Variants in TBC1D1 observed in about 807,000 individuals in gnomAD.
TBC1D1 encodes TBC1 domain family member 1.
TBC1D1 carries 89 observed loss-of-function variants against 125.6 expected under a neutral mutation model. That is an observed-to-expected ratio of 0.71 (90% CI 0.60 to 0.85). The LOEUF (loss-of-function observed/expected upper bound fraction) is 0.85. TBC1D1 is among the 40% of genes least tolerant of loss of function. The pLI is 0.00. For synonymous variants in TBC1D1, 565 were observed against 564.1 expected (o/e 1.00, Z -0.02); for missense variants, 1,377 against 1,469.2 (o/e 0.94, Z 1.03).
At chr4:38,122,715 T>C (rs548128842) in intron 17 of TBC1D1, among the ~76,000 whole-genome samples, 2 of 152,350 alleles carry the variant, frequency 1.3e-5, no homozygotes, top group Non-Finnish European at 2.9e-5. Flanking sequence ...AGATGCTCAA[T>C]AGATGCTCAT....
chr4:37,966,063 G>A (rs1040890243), intron 2 of TBC1D1, among the ~76,000 whole-genome samples: 1 of 151,976 alleles, frequency 6.6e-6, no homozygotes, highest in African/African-American at 2.4e-5. Context: ...ATTTAATTTA[G>A]CGTATATTTC....
intron 11 of TBC1D1, among the ~76,000 whole-genome samples, chr4:38,052,727 C>T (rs559065041): frequency 9.5e-4 from 63 of 66,134 alleles, no homozygotes; most frequent in African/African-American, 3.8e-3. Flanking sequence ...CGCGCGCGCG[C>T]GCACACACAC....
chr4:38,097,706 G>A (rs1251503334), intron 14 of TBC1D1, among the ~76,000 whole-genome samples: 1 of 151,466 alleles, frequency 6.6e-6, no homozygotes, highest in Non-Finnish European at 1.5e-5. Context: ...TTGAACTCTG[G>A]ACCTCAGGTG....
chr4:38,105,548 G>A (rs1043576761), intron 15 of TBC1D1, among the ~76,000 whole-genome samples: 3 of 152,212 alleles, frequency 2.0e-5, no homozygotes, highest in Non-Finnish European at 4.4e-5. Context: ...CAGGAACCAA[G>A]CATGGTACCC....
intron 2 of TBC1D1, among the ~76,000 whole-genome samples, chr4:37,979,735 TG>T (rs1420169090): frequency 6.6e-6 from 1 of 152,160 alleles, no homozygotes; most frequent in African/African-American, 2.4e-5. Flanking sequence ...GGAGAAGGGG[TG>T]GGTGTCGGTT....
At chr4:37,967,910 G>A (rs1731355264) in intron 2 of TBC1D1, among the ~76,000 whole-genome samples, 1 of 152,168 alleles carries the variant, frequency 6.6e-6, no homozygotes, top group Non-Finnish European at 1.5e-5. Flanking sequence ...GCTCAGGACT[G>A]CTGGGTTTTT....
rs148981762 is a variant in TBC1D1 at position 37,903,875 on chromosome 4, G to T, written c.417+1363G>T. Among the ~76,000 whole-genome samples, 511 of 152,280 alleles carry T rather than the reference G, an allele frequency of 3.4e-3. 5 individuals carry two copies. Among genetic ancestry groups the T allele is most frequent in the African/African-American group, 0.012 (484 of 41,558 alleles). On this transcript the variant is annotated intron_variant, in intron 2 of 19. Coordinates refer to ENST00000261439, the MANE Select transcript of TBC1D1 (RefSeq NM_015173.4). ...AACACACACCCAAAGGGTAGAGAAGGCTTTGTGAAATAAAGGCTAATATGG... is the reference window on the plus strand; with the variant it reads ...AACACACACCCAAAGGGTAGAGAAGTCTTTGTGAAATAAAGGCTAATATGG...
intron 2 of TBC1D1, among the ~76,000 whole-genome samples, chr4:37,936,137 G>T (rs1724336926): frequency 6.6e-6 from 1 of 152,122 alleles, no homozygotes; most frequent in Non-Finnish European, 1.5e-5. Context: ...CAAGACCCCA[G>T]TGGAGGCCTA....
intron 11 of TBC1D1, among the ~76,000 whole-genome samples, chr4:38,051,667 C>G (rs556535105): frequency 6.6e-6 from 1 of 151,930 alleles, no homozygotes; most frequent in Non-Finnish European, 1.5e-5. Context: ...AGCATAAACA[C>G]GTGGGAAATG....
At chr4:38,105,308 C>G (rs149064775) in intron 15 of TBC1D1, among the ~76,000 whole-genome samples, 2 of 152,306 alleles carry the variant, frequency 1.3e-5, no homozygotes, top group East Asian at 3.9e-4. Flanking sequence ...ATCCTTACAA[C>G]ATGATCAGGT....
chr4:37,924,492 C>T (rs781175713), intron 2 of TBC1D1, among the ~76,000 whole-genome samples: 1 of 152,158 alleles, frequency 6.6e-6, no homozygotes, highest in Non-Finnish European at 1.5e-5. Context: ...ACTTTTTCAT[C>T]ATCCCACCAG....
intron 2 of TBC1D1, among the ~76,000 whole-genome samples, chr4:38,008,001 C>G (rs1578246648): frequency 6.6e-6 from 1 of 152,216 alleles, no homozygotes; most frequent in Non-Finnish European, 1.5e-5. Context: ...CACCTCCAAA[C>G]AAGCTGCTTC....
At chr4:37,935,826 C>T (rs996590686) in intron 2 of TBC1D1, among the ~76,000 whole-genome samples, 2 of 152,188 alleles carry the variant, frequency 1.3e-5, no homozygotes, top group African/African-American at 2.4e-5. Flanking sequence ...GCTTACATCT[C>T]CTGGCCCCAC....
chr4:37,910,362 T>C (rs939154449), intron 2 of TBC1D1, among the ~76,000 whole-genome samples: 8 of 152,202 alleles, frequency 5.3e-5, no homozygotes, highest in Non-Finnish European at 8.8e-5. Context: ...AGATATGCTG[T>C]AAGTATAAAA....
chr4:37,943,990 T>C (rs890956861), intron 2 of TBC1D1, among the ~76,000 whole-genome samples: 1 of 152,232 alleles, frequency 6.6e-6, no homozygotes, highest in Non-Finnish European at 1.5e-5. Flanking sequence ...TCTTTAATGA[T>C]GGTGACATAT....
chr4:37,902,107 A>T lies in TBC1D1; in HGVS notation c.12A>T (p.Ile4=), dbSNP rs1716170472. The stretch of plus-strand genomic sequence containing the variant: ...AGACCCTTCCCAAGATGGAACCAAT[A>T]ACATTCACAGCAAGGAAACATCTGC... Residue 4 remains isoleucine (I), a synonymous_variant, in exon 2 of 20, where the codon ATA becomes ATT. Coordinates refer to ENST00000261439, the MANE Select transcript of TBC1D1 (RefSeq NM_015173.4). The T allele has an allele frequency of 1.2e-6, 2 of 1,600,610 alleles. No homozygotes were observed. The highest frequency in any genetic ancestry group is 2.7e-5 in the African/African-American group (2 of 73,952).
intron 12 of TBC1D1, among the ~76,000 whole-genome samples, chr4:38,070,467 G>A (rs950654901): frequency 5.1e-4 from 77 of 152,294 alleles, no homozygotes; most frequent in African/African-American, 1.4e-3. Context: ...CTCCTGCATC[G>A]CCCACATCTT....
chr4:38,138,653 G>C lies in TBC1D1; in HGVS notation c.*1318G>C, dbSNP rs1766990006. On this transcript the variant is annotated 3_prime_UTR_variant, in exon 20 of 20. Transcript: ENST00000261439. ...CTCTCTGATGTGCACTTAAGAGTGG[G>C]TTGCTTTCTCACAAAGATGGGGTTC... 1 of 152,682 alleles carries C rather than the reference G, an allele frequency of 6.5e-6. No individual in the cohort carries two copies. Among genetic ancestry groups the C allele is most frequent in the Non-Finnish European group, 1.5e-5 (1 of 68,068 alleles). The allele number at this position is 152,682 out of a possible 1,614,324, so 9.5% of individuals were successfully genotyped here. A position where few individuals can be genotyped will look rare whatever the true frequency, so the allele number is the denominator to read the frequency against.
chr4:38,100,757 A>G (rs1024636018), intron 14 of TBC1D1, among the ~76,000 whole-genome samples: 2 of 152,256 alleles, frequency 1.3e-5, no homozygotes, highest in African/African-American at 4.8e-5. Context: ...TACTTACTAC[A>G]CAGTAAGTAT....
Sources: gnomAD v4.1 joint callset for allele counts (sites outside exome capture counted in the v4.1 genomes callset) on GRCh38, gnomAD v4.1.1 for gene constraint, MANE v1.5 for transcripts, NCBI Gene and HGNC (gene_info 2026-07-23, HGNC 2026-07-21) for gene names.